Variants in ATP10D observed in about 807,000 individuals in gnomAD.
ATP10D encodes ATPase phospholipid transporting 10D (putative).
In ATP10D, 89 loss-of-function variants were observed where a neutral mutation model predicts 144.8. The observed-to-expected ratio is 0.61, with a 90% CI of 0.52 to 0.73. The LOEUF (loss-of-function observed/expected upper bound fraction) is 0.73, where lower values mean the gene tolerates loss of function less well. Ranked by LOEUF, ATP10D falls within the 30% of genes least tolerant of loss-of-function variation. ATP10D has a pLI of 0.00. For synonymous variants in ATP10D, 571 were observed against 615.1 expected (o/e 0.93, Z 1.06); for missense variants, 1,603 against 1,714.8 (o/e 0.93, Z 1.15).
At chr4:47,589,167 C>A (rs1367856892) in intron 22 of ATP10D, among the ~76,000 whole-genome samples, 1 of 152,116 alleles carries the variant, frequency 6.6e-6, no homozygotes, top group Non-Finnish European at 1.5e-5. Context: ...CTGGAAGAGG[C>A]AAGGAATAGA....
At chr4:47,550,937 A>G (rs1269763023) in intron 10 of ATP10D, among the ~76,000 whole-genome samples, 3 of 152,262 alleles carry the variant, frequency 2.0e-5, no homozygotes. Context: ...GCAAGATTTA[A>G]TAGAGTGAAA....
chr4:47,541,154 A>G (rs933210488), intron 9 of ATP10D, among the ~76,000 whole-genome samples: 3 of 152,216 alleles, frequency 2.0e-5, no homozygotes, highest in Non-Finnish European at 2.9e-5. Context: ...GAGAGAAGAT[A>G]ATTCACATAA....
At position 47,546,741 on chromosome 4, in the gene ATP10D, A is replaced by C; in HGVS notation, c.1514A>C (p.His505Pro). 6.2e-7 allele frequency: 1 copy of C among 1,614,182 alleles called. No individual in the cohort carries two copies. Residue 505 changes from histidine (H) to proline (P), a missense_variant, in exon 10 of 23, where the codon CAT (histidine) becomes CCT (proline). Physicochemically the swap from His to Pro is moderately conservative, Grantham distance 77 (BLOSUM62 -2). Transcript: ENST00000273859. ...AGAGCCCCCAGCTGCAGGACAGTTCATAATGGGCCTTTGGGAAATAAGCCC... is the reference window on the plus strand; with the variant it reads ...AGAGCCCCCAGCTGCAGGACAGTTCCTAATGGGCCTTTGGGAAATAAGCCC... ...KPRAPSCRTV[H>P]NGPLGNKPSN...
At chr4:47,523,838 A>G (rs1717098394) in intron 4 of ATP10D, among the ~76,000 whole-genome samples, 1 of 152,242 alleles carries the variant, frequency 6.6e-6, no homozygotes, top group Admixed American at 6.5e-5. Context: ...TTCACTATGT[A>G]TGAAAACAGC....
At chr4:47,511,316 A>G (rs1478001040) in intron 1 of ATP10D, among the ~76,000 whole-genome samples, 1 of 152,192 alleles carries the variant, frequency 6.6e-6, no homozygotes, top group Non-Finnish European at 1.5e-5. Context: ...TATTAGTATA[A>G]AACCGATGAG....
chr4:47,528,314 T>A (rs1717362235), intron 5 of ATP10D, among the ~76,000 whole-genome samples: 1 of 152,068 alleles, frequency 6.6e-6, no homozygotes, highest in African/African-American at 2.4e-5. Context: ...ATACCCATTC[T>A]TTAGCTCTCA....
At chr4:47,560,521 A>C (rs73237100) in intron 13 of ATP10D, among the ~76,000 whole-genome samples, 19,831 of 151,776 alleles carry the variant, frequency 0.13, 1,635 homozygotes, top group Non-Finnish European at 0.19. Flanking sequence ...AACAAACAAA[A>C]AAAACATCAA....
rs547586141 is a variant in ATP10D, at chr4:47,535,335, CA to C, written c.777-168del. On this transcript the variant is annotated intron_variant, in intron 5 of 22. Transcript: ENST00000273859. ...AAAAGTCTAAAAAAAAAAAAAGAAA[CA>C]AAAAACAAAGCAAGTAACTGCAATA... 1.9e-4 allele frequency among the ~76,000 whole-genome samples: 28 copies of C among 147,472 alleles called. No homozygotes were observed. In the East Asian group the frequency reaches 5.3e-3, roughly 28 times the overall value.
chr4:47,554,860 A>T lies in ATP10D; in HGVS notation c.1770A>T (p.Ala590=), dbSNP rs373106834. The T allele has an allele frequency of 5.0e-6, 8 of 1,614,152 alleles. No individual in the cohort carries two copies. Among genetic ancestry groups the T allele is most frequent in the South Asian group, 1.1e-5 (1 of 91,080 alleles). Residue 590 remains alanine, a synonymous_variant, in exon 11 of 23, where the codon GCA becomes GCT. Coordinates refer to ENST00000273859, the MANE Select transcript of ATP10D (RefSeq NM_020453.4). ...ETLYIIDFFI[A]LAICNTVVVS... ...TGTACATTATCGACTTTTTCATTGC[A>T]TTGGCAATTTGCAACACAGTAGTGG...
At chr4:47,569,842 G>C (rs1194449102) in intron 16 of ATP10D, among the ~76,000 whole-genome samples, 2 of 152,184 alleles carry the variant, frequency 1.3e-5, no homozygotes, top group African/African-American at 4.8e-5. Context: ...TGGGAGACAT[G>C]GAGAAGAACA....
chr4:47,502,665 A>G (rs1426609720), intron 1 of ATP10D, among the ~76,000 whole-genome samples: 3 of 147,632 alleles, frequency 2.0e-5, no homozygotes, highest in Non-Finnish European at 1.5e-5. Flanking sequence ...GTAATATTAC[A>G]CATATAAATA....
At chr4:47,568,312 G>A (rs1414027867) in intron 15 of ATP10D, among the ~76,000 whole-genome samples, 2 of 152,182 alleles carry the variant, frequency 1.3e-5, no homozygotes, top group East Asian at 3.8e-4. Flanking sequence ...TAAATAGTTA[G>A]TGAGTGAATG....
At chr4:47,490,993 T>C (rs532743026) in intron 1 of ATP10D, 3 of 674,472 alleles carry the variant, frequency 4.4e-6, no homozygotes, top group South Asian at 4.4e-5. Flanking sequence ...TGATGCCATG[T>C]GTTCATAGGG....
intron 19 of ATP10D, 29 bp downstream of exon 19, chr4:47,577,002 G>T: frequency 6.3e-7 from 1 of 1,595,108 alleles, no homozygotes; most frequent in Non-Finnish European, 8.6e-7. Flanking sequence ...GTGCTTGGAT[G>T]GATGCATATC....
chr4:47,584,163 T>C (rs1301843672), intron 21 of ATP10D, among the ~76,000 whole-genome samples: 1 of 152,188 alleles, frequency 6.6e-6, no homozygotes, highest in Non-Finnish European at 1.5e-5. Context: ...ATCCTGGCCC[T>C]GCAGGTCTCT....
At position 47,536,806 on chromosome 4, in the gene ATP10D, G is replaced by A; in HGVS notation, c.1264G>A (p.Ala422Thr). ...AATGGATTCTATTGTTCAGTGCCGA[G>A]CCCTGAACATCGCCGAGGATCTGGG... ...EKMDSIVQCR[A>T]LNIAEDLGQI... Residue 422 changes from alanine to threonine, a missense_variant, in exon 9 of 23, where the codon GCC becomes ACC. Ala to Thr is a moderately conservative substitution (Grantham distance 58). Transcript: ENST00000273859. 6.2e-7 allele frequency: 1 copy of A among 1,613,248 alleles called. No individual in the cohort carries two copies. The highest frequency in any genetic ancestry group is 8.5e-7 in the Non-Finnish European group (1 of 1,179,644).
intron 5 of ATP10D, among the ~76,000 whole-genome samples, chr4:47,535,293 G>A (rs1474110262): frequency 4.8e-5 from 7 of 146,740 alleles, no homozygotes; most frequent in East Asian, 4.1e-4. Context: ...AAACCTGCAC[G>A]TGTACCACCT....
chr4:47,514,186 A>T (rs959004260), intron 2 of ATP10D, among the ~76,000 whole-genome samples: 1 of 152,222 alleles, frequency 6.6e-6, no homozygotes. Flanking sequence ...CATTCTCATC[A>T]TTCATTCTAT....
intron 10 of ATP10D, among the ~76,000 whole-genome samples, chr4:47,553,961 C>T (rs1156879306): frequency 1.3e-5 from 2 of 152,174 alleles, no homozygotes; most frequent in African/African-American, 2.4e-5. Context: ...TCCTTTGACT[C>T]AGCTGAAAAA....
Sources: allele counts gnomAD v4.1 joint callset (sites outside exome capture counted in the v4.1 genomes callset), GRCh38; gene constraint gnomAD v4.1.1; transcripts MANE v1.5; gene names NCBI Gene and HGNC (gene_info 2026-07-23, HGNC 2026-07-21).